The following GOLPH3L variants were observed in gnomAD, a reference collection of about 807,000 sequenced individuals.
GOLPH3L encodes the protein golgi phosphoprotein 3 like.
A neutral mutation model predicts 30.3 loss-of-function variants in GOLPH3L; 22 were observed. The ratio of observed to expected loss-of-function variants is 0.73; its 90% CI spans 0.52 to 1.04. GOLPH3L has a LOEUF of 1.04. Among genes scored for constraint, GOLPH3L ranks in the 50% least tolerant of loss-of-function variants. The pLI is 0.00. For synonymous variants in GOLPH3L, 120 were observed against 128.2 expected, an observed-to-expected ratio of 0.94 and a Z score of 0.43; for missense variants, 303 against 345.8, an observed-to-expected ratio of 0.88 and a Z score of 0.98.
chr1:150,670,458 G>A (rs746841232), intron 2 of GOLPH3L, among the ~76,000 whole-genome samples: 3 of 151,994 alleles, frequency 2.0e-5, no homozygotes, highest in Non-Finnish European at 4.4e-5. Context: ...TTAGCCGGGC[G>A]TGGTGGCGGG....
chr1:150,658,371 G>T (rs1467249267), intron 4 of GOLPH3L, among the ~76,000 whole-genome samples: 1 of 152,222 alleles, frequency 6.6e-6, no homozygotes, highest in African/African-American at 2.4e-5. Flanking sequence ...CTGACACAGA[G>T]AACAATTATA....
At chr1:150,682,536 G>A (rs1210929400) in intron 2 of GOLPH3L, among the ~76,000 whole-genome samples, 2 of 150,506 alleles carry the variant, frequency 1.3e-5, no homozygotes, top group Non-Finnish European at 3.0e-5. Flanking sequence ...AGCTGAGGCA[G>A]GGGGATCACC....
At chr1:150,661,498 T>C (rs1650367348) in intron 4 of GOLPH3L, among the ~76,000 whole-genome samples, 1 of 152,166 alleles carries the variant, frequency 6.6e-6, no homozygotes, top group Non-Finnish European at 1.5e-5. Flanking sequence ...AAATTAAAAC[T>C]GGGAAATTCT....
At chr1:150,678,272 G>A (rs1293526000) in intron 2 of GOLPH3L, among the ~76,000 whole-genome samples, 3 of 60,242 alleles carry the variant, frequency 5.0e-5, no homozygotes, top group Non-Finnish European at 8.9e-5. Context: ...CAACAAGATC[G>A]AAACTCCGTC....
intron 2 of GOLPH3L, among the ~76,000 whole-genome samples, chr1:150,679,541 G>C (rs986962042): frequency 6.6e-6 from 1 of 152,168 alleles, no homozygotes; most frequent in South Asian, 2.1e-4. Context: ...GCTCGCACCT[G>C]CAATCCTAGC....
chr1:150,663,932 T>A (rs1291997432), intron 2 of GOLPH3L, among the ~76,000 whole-genome samples, 169 bp from the exon 3 acceptor site: 3 of 152,120 alleles, frequency 2.0e-5, no homozygotes. Context: ...CACCCCCAAA[T>A]ATGATTTTCT....
chr1:150,674,935 G>C (rs1215719117), intron 2 of GOLPH3L, among the ~76,000 whole-genome samples: 1 of 151,950 alleles, frequency 6.6e-6, no homozygotes, highest in Non-Finnish European at 1.5e-5. Flanking sequence ...CTGTCATACA[G>C]GCTAGAGTAC....
At chr1:150,684,097 A>C (rs894908093) in intron 2 of GOLPH3L, among the ~76,000 whole-genome samples, 1 of 152,206 alleles carries the variant, frequency 6.6e-6, no homozygotes. Context: ...TAGAGACGCC[A>C]GGAAGGCATT....
chr1:150,675,717 A>C (rs1250928773), intron 2 of GOLPH3L, among the ~76,000 whole-genome samples: 2 of 137,698 alleles, frequency 1.5e-5, no homozygotes, highest in Non-Finnish European at 3.1e-5. Flanking sequence ...TGGAGGTTGC[A>C]GTGAGCCAAG....
chr1:150,673,597 AAAC>A (rs1462725131), intron 2 of GOLPH3L, among the ~76,000 whole-genome samples: 1 of 151,858 alleles, frequency 6.6e-6, no homozygotes, highest in Non-Finnish European at 1.5e-5. Context: ...AAACAAAAGA[AAAC>A]AGAAGAAAAG....
intron 2 of GOLPH3L, among the ~76,000 whole-genome samples, chr1:150,680,875 G>A (rs1001556214): frequency 1.3e-5 from 2 of 152,176 alleles, no homozygotes; most frequent in Admixed American, 6.5e-5. Flanking sequence ...CAGGCTGGGC[G>A]CAGTGGCTCA....
chr1:150,661,953 A>T (rs757739530), intron 3 of GOLPH3L, 25 bp from the exon 4 acceptor site: 1 of 964,896 alleles, frequency 1.0e-6, no homozygotes, highest in Non-Finnish European at 1.7e-6. Context: ...GAAAGAAGGA[A>T]CCCTGATTCC....
chr1:150,693,988 T>C (rs1016979762), intron 2 of GOLPH3L: 2 of 234,770 alleles, frequency 8.5e-6, no homozygotes, highest in Non-Finnish European at 1.7e-5. Context: ...GCCTCCCGAG[T>C]ACCTGGGATT....
chr1:150,648,161 G>C lies in GOLPH3L; in HGVS notation c.*160C>G. On this transcript the variant is annotated 3_prime_UTR_variant, in exon 5 of 5. Transcript: ENST00000271732. ...AATAAGGTCTGCTTATAATGGTCAA[G>C]GTCTATGGAGAAGCCCTGAAGTTGC... 2 of 594,318 alleles carry C rather than the reference G, an allele frequency of 3.4e-6. No individual in the cohort carries two copies. Among genetic ancestry groups the C allele is most frequent in the Non-Finnish European group, 3.0e-6 (1 of 335,472 alleles). 36.8% of individuals were successfully genotyped at this position (594,318 alleles called of 1,614,324 possible).
intron 2 of GOLPH3L, among the ~76,000 whole-genome samples, chr1:150,668,970 A>T (rs144123919): frequency 2.9e-4 from 44 of 152,348 alleles, no homozygotes; most frequent in African/African-American, 1.0e-3. Context: ...CAACAAAACT[A>T]TAAATGAGAA....
chr1:150,694,621 T>A (rs1009578251), intron 2 of GOLPH3L, 35 bp downstream of exon 2: 3 of 1,297,552 alleles, frequency 2.3e-6, no homozygotes, highest in Non-Finnish European at 3.2e-6. Context: ...TATTTAATAG[T>A]CTTTGAGATA....
intron 2 of GOLPH3L, among the ~76,000 whole-genome samples, chr1:150,686,245 T>C (rs11204696): frequency 0.38 from 57,247 of 151,940 alleles, 11,056 homozygotes; most frequent in South Asian, 0.54. Context: ...GACAGAGTCG[T>C]GCTCTGTGGC....
intron 2 of GOLPH3L, among the ~76,000 whole-genome samples, chr1:150,679,031 A>G (rs1420932058): frequency 1.3e-5 from 2 of 152,194 alleles, no homozygotes; most frequent in African/African-American, 2.4e-5. Context: ...ACTTCCCTCT[A>G]TTGCTTAAAT....
intron 2 of GOLPH3L, among the ~76,000 whole-genome samples, chr1:150,690,445 T>TTATA (rs781688691): frequency 1.3e-4 from 20 of 152,110 alleles, no homozygotes; most frequent in Non-Finnish European, 2.5e-4. Flanking sequence ...AAACAAGCAA[T>TTATA]TATATACACA....
Sources: gnomAD v4.1 joint callset for allele counts (sites outside exome capture counted in the v4.1 genomes callset) on GRCh38, gnomAD v4.1.1 for gene constraint, MANE v1.5 for transcripts, NCBI Gene and HGNC (gene_info 2026-07-23, HGNC 2026-07-21) for gene names.